The following ZNF626 variants were observed in gnomAD, a reference collection of about 807,000 sequenced individuals.
ZNF626 encodes zinc finger protein 626, also known as CTC-513N18.7.
ZNF626 carries 4 observed loss-of-function variants against 11.7 expected under a neutral mutation model. The observed-to-expected ratio is 0.34, with a 90% CI of 0.17 to 0.78. The LOEUF (loss-of-function observed/expected upper bound fraction) is 0.78, where lower values mean the gene tolerates loss of function less well. Among genes scored for constraint, ZNF626 ranks in the 30% least tolerant of loss-of-function variants. The pLI, the probability that ZNF626 is intolerant of heterozygous loss-of-function variation, is 0.57. For missense variants in ZNF626, 588 were observed against 587.1 expected (o/e 1.00, Z -0.01); for synonymous variants, 179 against 198.6 (o/e 0.90, Z 0.83).
chr19:20,626,291 T>C (rs1227034672), intron 3 of ZNF626, among the ~76,000 whole-genome samples: 1 of 152,142 alleles, frequency 6.6e-6, no homozygotes, highest in East Asian at 1.9e-4. Context: ...TTGTAACAGG[T>C]AGCATTTTGT....
Position 20,624,346 on chromosome 19 carries a change from C to T in ZNF626, c.1531G>A (p.Val511Met), listed in dbSNP as rs1969794277. 3.4e-6 allele frequency: 5 copies of T among 1,459,926 alleles called. No individual in the cohort carries two copies. Among genetic ancestry groups the T allele is most frequent in the Admixed American group, 2.0e-5 (1 of 50,128 alleles). 90.4% of individuals were successfully genotyped at this position (1,459,926 alleles called of 1,614,324 possible). Residue 511 changes from valine (V) to methionine (M), a missense_variant, in exon 4 of 4, where the codon GTG (valine) becomes ATG (methionine). Val to Met is a conservative substitution (Grantham distance 21, BLOSUM62 1). Coordinates refer to ENST00000601440, the MANE Select transcript of ZNF626 (RefSeq NM_001076675.3). ...CTTGAAGGCTTTGCCACATTCTTCA[C>T]ATTTGTAGAATTTCTCTCCAGTATG... ...RIILERNSTN[V>M]KNVAKPSSGP...
chr19:20,658,650 C>A (rs1970231274), intron 1 of ZNF626, among the ~76,000 whole-genome samples: 1 of 152,136 alleles, frequency 6.6e-6, no homozygotes. Context: ...CCAGGTCTGG[C>A]CCCAGTGATA....
chr19:20,659,204 A>G (rs1555773441), intron 1 of ZNF626, among the ~76,000 whole-genome samples: 2 of 152,054 alleles, frequency 1.3e-5, no homozygotes, highest in African/African-American at 4.8e-5. Context: ...CCTTTTTCTC[A>G]TTAAGAAATT....
intron 3 of ZNF626, among the ~76,000 whole-genome samples, chr19:20,625,962 C>T (rs2162996): frequency 0.55 from 84,155 of 151,758 alleles, 25,404 homozygotes; most frequent in East Asian, 0.74. Context: ...TAACATTGTG[C>T]CTTTAAAAGT....
rs797032786 is a variant in ZNF626 at position 20,653,655 on chromosome 19, AAAAGAAAAAAAG to A, written c.4-7262_4-7251del. Among the ~76,000 whole-genome samples, 634 of 93,612 alleles carry A rather than the reference AAAAGAAAAAAAG, an allele frequency of 6.8e-3. 13 individuals are homozygous for A. The East Asian group carries it at 0.078, about 12-fold the overall frequency. The allele number at this position is 93,612 out of a possible 152,430, so 61.4% of individuals were successfully genotyped here. A position where few individuals can be genotyped will look rare whatever the true frequency, so the allele number is the denominator to read the frequency against. Reference sequence around the variant, plus strand: ...TGCCCTCCCAGCAAAAAAAAAAAGAAAAAGAAAAAAAGAAAAAGAAAGGAAAAGAACAGGGAC... The same window carrying A: ...TGCCCTCCCAGCAAAAAAAAAAAGAAAAAAAGAAAGGAAAAGAACAGGGAC... On this transcript the variant is annotated intron_variant, in intron 1 of 3. Transcript: ENST00000601440.
intron 3 of ZNF626, among the ~76,000 whole-genome samples, chr19:20,641,206 T>C (rs1555771416): frequency 6.6e-6 from 1 of 150,896 alleles, no homozygotes; most frequent in African/African-American, 2.4e-5. Flanking sequence ...TATACCAGTA[T>C]TCAAAAAAGC....
intron 3 of ZNF626, among the ~76,000 whole-genome samples, chr19:20,629,012 T>C (rs1205154684): frequency 6.6e-6 from 1 of 152,198 alleles, no homozygotes; most frequent in African/African-American, 2.4e-5. Context: ...GCTAGCCAGT[T>C]TTCCCAGCAC....
intron 1 of ZNF626, among the ~76,000 whole-genome samples, chr19:20,652,450 A>G (rs868954599): frequency 3.3e-5 from 5 of 152,246 alleles, no homozygotes; most frequent in South Asian, 4.1e-4. Context: ...TTGTAAAGAC[A>G]ATAAGAGAAA....
chr19:20,646,843 T>G (rs576129047), intron 1 of ZNF626, among the ~76,000 whole-genome samples: 11 of 152,116 alleles, frequency 7.2e-5, no homozygotes, highest in Admixed American at 5.2e-4. Context: ...AAGTCTGATT[T>G]ATTTATTTAT....
chr19:20,661,318 G>A, intron 1 of ZNF626, 126 bp downstream of exon 1: 1 of 1,307,686 alleles, frequency 7.6e-7, no homozygotes, highest in Non-Finnish European at 1.1e-6. Context: ...GCCGAGCTGA[G>A]CAAGGAGAAC....
chr19:20,640,087 C>G (rs4599042), intron 3 of ZNF626, among the ~76,000 whole-genome samples: 67,590 of 151,302 alleles, frequency 0.45, 16,299 homozygotes, highest in African/African-American at 0.63. Context: ...AAAATAATCT[C>G]TTCAAAAAAT....
rs1456341775 is a variant in ZNF626, at chr19:20,620,478, T to C, written c.*3812A>G. 6.6e-6 allele frequency: 1 copy of C among 152,212 alleles called. No homozygotes were observed. Among genetic ancestry groups the C allele is most frequent in the Admixed American group, 6.5e-5 (1 of 15,290 alleles). 9.4% of individuals were successfully genotyped at this position (152,212 alleles called of 1,614,324 possible). ...TCTATGAAAATTAAAAGTCTTTACG[T>C]TTGCAGGCAGAGTGACCACATGTTC... On this transcript the variant is annotated 3_prime_UTR_variant, in exon 4 of 4. Coordinates refer to ENST00000601440, the MANE Select transcript of ZNF626 (RefSeq NM_001076675.3).
intron 3 of ZNF626, among the ~76,000 whole-genome samples, chr19:20,642,009 G>A (rs1308756880): frequency 1.3e-5 from 2 of 151,306 alleles, no homozygotes; most frequent in African/African-American, 4.9e-5. Flanking sequence ...CTCACAAAAG[G>A]AAATATATAT....
intron 1 of ZNF626, among the ~76,000 whole-genome samples, chr19:20,650,290 G>T (rs1970132183): frequency 6.6e-6 from 1 of 151,474 alleles, no homozygotes; most frequent in Non-Finnish European, 1.5e-5. Flanking sequence ...ATAGACAGAT[G>T]AAAGAAATAT....
chr19:20,628,701 G>A (rs1969868408), intron 3 of ZNF626, among the ~76,000 whole-genome samples: 2 of 152,272 alleles, frequency 1.3e-5, no homozygotes, highest in African/African-American at 4.8e-5. Flanking sequence ...CAGATGAGCA[G>A]GTTGCAAAAA....
At chr19:20,661,111 A>AC (rs1348711887) in intron 1 of ZNF626, among the ~76,000 whole-genome samples, 2 of 152,130 alleles carry the variant, frequency 1.3e-5, no homozygotes, top group Non-Finnish European at 2.9e-5. Flanking sequence ...CCATTCATGA[A>AC]CCCGCACCCC....
At position 20,625,003 on chromosome 19, in the gene ZNF626, T is replaced by C; in HGVS notation, c.874A>G (p.Lys292Glu). Residue 292 changes from lysine to glutamate, a missense_variant, in exon 4 of 4, where the codon AAA becomes GAA. Around this residue, in one of 4 missense-constraint regions of ZNF626, gnomAD observed 524 missense variants for 470.1 expected, o/e 1.11. Coordinates refer to ENST00000601440, the MANE Select transcript of ZNF626 (RefSeq NM_001076675.3). ...KKPYKCEECG[K>E]AFNRSSTLTT... ...AGGGTTGAGGACCGGTTGAAGGCTT[T>C]GCCACATTCTTCACATTTGTAGGGT... 1 of 1,613,928 alleles carries C rather than the reference T, an allele frequency of 6.2e-7. No homozygotes were observed.
At chr19:20,644,223 G>A (rs1555771703) in intron 3 of ZNF626, among the ~76,000 whole-genome samples, 1 of 152,128 alleles carries the variant, frequency 6.6e-6, no homozygotes, top group Admixed American at 6.6e-5. Flanking sequence ...AACCCACACA[G>A]TTACCTGAGG....
rs1273430758 is a variant in ZNF626 at position 20,645,198 on chromosome 19, T to C, written c.226+486A>G. ...GGATGTCATAATTTCAAACTATATA[T>C]TTCAAGCCTAGATAGTAATAAAAAC... On this transcript the variant is annotated intron_variant, in intron 3 of 3. Transcript: ENST00000601440. The C allele has an allele frequency of 6.8e-6, 8 of 1,170,512 alleles. No individual in the cohort carries two copies. In the Admixed American group the frequency reaches 3.3e-4, roughly 48 times the overall value. 72.5% of individuals were successfully genotyped at this position (1,170,512 alleles called of 1,614,324 possible).
Sources: gnomAD v4.1 joint callset for allele counts (sites outside exome capture counted in the v4.1 genomes callset) on GRCh38, gnomAD v4.1.1 for gene constraint, gnomAD v4.1.1 regional missense constraint, MANE v1.5 for transcripts, NCBI Gene and HGNC (gene_info 2026-07-23, HGNC 2026-07-21) for gene names.